The following MAML2 variants were observed in gnomAD, a reference collection of about 807,000 sequenced individuals.
MAML2 encodes the protein mastermind-like protein 2.
A neutral mutation model predicts 96.1 loss-of-function variants in MAML2; 22 were observed. That is an observed-to-expected ratio of 0.23 (90% CI 0.16 to 0.33). The LOEUF is 0.33. Among genes scored for constraint, MAML2 ranks in the 10% least tolerant of loss-of-function variants. The pLI is 1.00. For missense variants in MAML2, 1,367 were observed against 1,392.4 expected, an observed-to-expected ratio of 0.98 and a Z score of 0.29; for synonymous variants, 561 against 521.3, an observed-to-expected ratio of 1.08 and a Z score of -1.04.
chr11:96,245,141 T>G (rs1290574091), intron 1 of MAML2, among the ~76,000 whole-genome samples: 1 of 152,136 alleles, frequency 6.6e-6, no homozygotes, highest in African/African-American at 2.4e-5. Flanking sequence ...CAATTTTTCT[T>G]TGAATTTTCC....
intron 1 of MAML2, among the ~76,000 whole-genome samples, chr11:96,278,565 G>A (rs1687337551): frequency 6.6e-6 from 1 of 152,164 alleles, no homozygotes; most frequent in African/African-American, 2.4e-5. Flanking sequence ...ACTCAAGCTG[G>A]CAAATTAGGG....
chr11:96,198,301 T>C (rs1861760290), intron 1 of MAML2, among the ~76,000 whole-genome samples: 1 of 152,182 alleles, frequency 6.6e-6, no homozygotes, highest in South Asian at 2.1e-4. Flanking sequence ...CCTTTACGTG[T>C]TGCCTGAAGT....
At position 96,159,504 on chromosome 11, in the gene MAML2, G is replaced by A. The variant is rs1329033065; in HGVS notation, c.514-65987C>T. Among the ~76,000 whole-genome samples the A allele has an allele frequency of 1.2e-4, 5 of 40,090 alleles. No homozygotes were observed. In the East Asian group the frequency reaches 0.015, roughly 119 times the overall value. 26.3% of individuals were successfully genotyped at this position (40,090 alleles called of 152,430 possible). A position where few individuals can be genotyped will look rare whatever the true frequency, so the allele number is the denominator to read the frequency against. On this transcript the variant is annotated intron_variant, in intron 1 of 4. Coordinates refer to ENST00000524717, the MANE Select transcript of MAML2 (RefSeq NM_032427.4). ...CTCGGCTGCGAGCCGAGATCACTGC[G>A]AGCTCCGGCCTCCCGGGTTCACGCC...
chr11:96,162,487 G>A (rs965559064), intron 1 of MAML2, among the ~76,000 whole-genome samples: 5 of 151,888 alleles, frequency 3.3e-5, no homozygotes, highest in African/African-American at 1.2e-4. Flanking sequence ...GCTGAGGCGG[G>A]CGGATCACCT....
intron 1 of MAML2, among the ~76,000 whole-genome samples, chr11:96,241,613 A>T (rs113657681): frequency 6.6e-6 from 1 of 152,198 alleles, no homozygotes; most frequent in Non-Finnish European, 1.5e-5. Context: ...ACCTTGCCCT[A>T]TTGGCTTCTC....
chr11:96,191,650 T>C (rs917089560), intron 1 of MAML2, among the ~76,000 whole-genome samples: 1 of 150,172 alleles, frequency 6.7e-6, no homozygotes, highest in African/African-American at 2.5e-5. Flanking sequence ...CGGGCGCCGG[T>C]AGTCTCAGCT....
At chr11:96,055,172 T>C (rs1184092542) in intron 2 of MAML2, among the ~76,000 whole-genome samples, 1 of 152,212 alleles carries the variant, frequency 6.6e-6, no homozygotes, top group East Asian at 1.9e-4. Context: ...GGAAATATAA[T>C]TAAGGGTAGA....
At chr11:96,040,121 T>C (rs1357652270) in intron 2 of MAML2, among the ~76,000 whole-genome samples, 1 of 152,180 alleles carries the variant, frequency 6.6e-6, no homozygotes, top group Non-Finnish European at 1.5e-5. Context: ...CCTGGTTCAA[T>C]AGTTTGTTCA....
rs144383384 is a variant in MAML2, at chr11:96,209,204, C to A, written c.514-115687G>T. ...CAGAGAGCAACCAAAGACTTGAAAA[C>A]TTTGAAAACCTGTAACTTTTTTTGG... On this transcript the variant is annotated intron_variant, in intron 1 of 4. Coordinates refer to ENST00000524717, the MANE Select transcript of MAML2 (RefSeq NM_032427.4). Among the ~76,000 whole-genome samples, 148 of 125,308 alleles carry A rather than the reference C, an allele frequency of 1.2e-3. 1 individual carries two copies. Among genetic ancestry groups the A allele is most frequent in the Middle Eastern group, 0.014 (2 of 144 alleles). 82.2% of individuals were successfully genotyped at this position (125,308 alleles called of 152,430 possible). A position where few individuals can be genotyped will look rare whatever the true frequency, so the allele number is the denominator to read the frequency against.
rs532598758 is a variant in MAML2, at chr11:96,135,856, C to A, written c.514-42339G>T. On this transcript the variant is annotated intron_variant, in intron 1 of 4. Coordinates refer to ENST00000524717, the MANE Select transcript of MAML2 (RefSeq NM_032427.4). ...CCAGCCTGGGCAACAGAGTGAGACA[C>A]CATCTCAAAAAAAAAAAAAAAAATT... is the stretch of plus-strand genomic sequence containing the variant. Among the ~76,000 whole-genome samples, 554 of 78,854 alleles carry A rather than the reference C, an allele frequency of 7.0e-3. 2 individuals are homozygous for A. The highest frequency in any genetic ancestry group is 0.026 in the African/African-American group (534 of 20,936). 51.7% of individuals were successfully genotyped at this position (78,854 alleles called of 152,430 possible). A position where few individuals can be genotyped will look rare whatever the true frequency, so the allele number is the denominator to read the frequency against.
chr11:96,098,170 T>G (rs963047378), intron 1 of MAML2, among the ~76,000 whole-genome samples: 2 of 152,082 alleles, frequency 1.3e-5, no homozygotes, highest in Non-Finnish European at 2.9e-5. Context: ...ATGACATCAC[T>G]GGTGGGAGGT....
chr11:96,311,482 G>C (rs1303983054), intron 1 of MAML2, among the ~76,000 whole-genome samples: 2 of 152,176 alleles, frequency 1.3e-5, no homozygotes, highest in Non-Finnish European at 2.9e-5. Context: ...CATCCCACGG[G>C]AGAAGGCAGC....
rs530578845 is a variant in MAML2, at chr11:96,166,177, T to TCTCACA, written c.514-72661_514-72660insTGTGAG. On this transcript the variant is annotated intron_variant, in intron 1 of 4. Transcript: ENST00000524717. ...CTGTCTCTCTCTCTCTCTCTCTCTC[T>TCTCACA]CACACACACACACACACACACACAC... 5.1e-3 allele frequency among the ~76,000 whole-genome samples: 562 copies of TCTCACA among 110,348 alleles called. 1 individual carries two copies. Among genetic ancestry groups the TCTCACA allele is most frequent in the African/African-American group, 0.013 (369 of 28,628 alleles). 72.4% of individuals were successfully genotyped at this position (110,348 alleles called of 152,430 possible).
At chr11:96,256,347 C>T (rs1010544654) in intron 1 of MAML2, among the ~76,000 whole-genome samples, 1 of 152,140 alleles carries the variant, frequency 6.6e-6, no homozygotes, top group Non-Finnish European at 1.5e-5. Flanking sequence ...CTTTTGCTCT[C>T]TTTGCTACAC....
chr11:96,046,256 G>A (rs550471796), intron 2 of MAML2, among the ~76,000 whole-genome samples: 21 of 152,128 alleles, frequency 1.4e-4, no homozygotes, highest in African/African-American at 4.6e-4. Flanking sequence ...GCCAAGAGAC[G>A]TGATGAATTG....
intron 1 of MAML2, among the ~76,000 whole-genome samples, chr11:96,139,184 C>G (rs1201416245): frequency 1.3e-5 from 2 of 152,142 alleles, no homozygotes; most frequent in Non-Finnish European, 2.9e-5. Flanking sequence ...AGGCCTATCA[C>G]TCACCACTGA....
intron 1 of MAML2, among the ~76,000 whole-genome samples, chr11:96,248,509 C>G (rs1862540236): frequency 6.6e-6 from 1 of 152,084 alleles, no homozygotes; most frequent in South Asian, 2.1e-4. Flanking sequence ...TCTGCTATTA[C>G]TACACTGTTA....
At chr11:96,085,251 C>T (rs1565209273) in intron 2 of MAML2, among the ~76,000 whole-genome samples, 1 of 152,160 alleles carries the variant, frequency 6.6e-6, no homozygotes, top group Non-Finnish European at 1.5e-5. Flanking sequence ...TGACATTACA[C>T]TTCTCTGATC....
chr11:96,208,063 C>G (rs965666521), intron 1 of MAML2, among the ~76,000 whole-genome samples: 1 of 152,164 alleles, frequency 6.6e-6, no homozygotes, highest in African/African-American at 2.4e-5. Flanking sequence ...CAACAGGCCA[C>G]ATTTTTTGCT....
Sources: allele counts gnomAD v4.1 joint callset (sites outside exome capture counted in the v4.1 genomes callset), GRCh38; gene constraint gnomAD v4.1.1; transcripts MANE v1.5; gene names NCBI Gene and HGNC (gene_info 2026-07-23, HGNC 2026-07-21).